Variants in EXOC2 observed in about 807,000 individuals in gnomAD.
EXOC2 encodes the protein SEC5-like 1.
In EXOC2, 70 loss-of-function variants were observed where a neutral mutation model predicts 131.8. The ratio of observed to expected loss-of-function variants is 0.53; its 90% CI spans 0.44 to 0.65. The LOEUF (loss-of-function observed/expected upper bound fraction) is 0.65, where lower values mean the gene tolerates loss of function less well. Among genes scored for constraint, EXOC2 ranks in the 30% least tolerant of loss-of-function variants. The probability of loss-of-function intolerance (pLI) is 0.00; values close to 1 mark genes in which losing one functional copy is unlikely to be tolerated. For synonymous variants in EXOC2, 411 were observed against 398.4 expected, an observed-to-expected ratio of 1.03 and a Z score of -0.38; for missense variants, 923 against 1,108.6, an observed-to-expected ratio of 0.83 and a Z score of 2.38.
At chr6:631,165 T>C (rs1761827741) in intron 3 of EXOC2, among the ~76,000 whole-genome samples, 1 of 152,168 alleles carries the variant, frequency 6.6e-6, no homozygotes, top group South Asian at 2.1e-4. Flanking sequence ...ATGAACCCAC[T>C]CATTCTCTCA....
intron 6 of EXOC2, among the ~76,000 whole-genome samples, chr6:616,729 C>CTTAT (rs553743664): frequency 0.017 from 2,477 of 149,256 alleles, 68 homozygotes; most frequent in African/African-American, 0.055. Flanking sequence ...AAGAGGGGGG[C>CTTAT]TTATTTATTT....
intron 2 of EXOC2, among the ~76,000 whole-genome samples, chr6:635,978 G>C (rs1232040762): frequency 6.6e-6 from 1 of 152,254 alleles, no homozygotes; most frequent in African/African-American, 2.4e-5. Context: ...CAGGAGAATC[G>C]CTTGAACCCA....
intron 23 of EXOC2, among the ~76,000 whole-genome samples, chr6:526,150 C>T (rs1765721849): frequency 6.6e-6 from 1 of 152,190 alleles, no homozygotes; most frequent in African/African-American, 2.4e-5. Context: ...CACACACGCA[C>T]ACACACGTAT....
Position 535,386 on chromosome 6 carries a change from A to T in EXOC2, c.2239-2776T>A, listed in dbSNP as rs569717021. Among the ~76,000 whole-genome samples, 32 of 152,268 alleles carry T rather than the reference A, an allele frequency of 2.1e-4. No individual in the cohort carries two copies. In the East Asian group the frequency reaches 2.7e-3, roughly 13 times the overall value. ...TCTCTTAAAAAATTTGAAATTTTTT[A>T]AAAATTAAAAAGGAATAACAACAGA... On this transcript the variant is annotated intron_variant, in intron 22 of 27. Coordinates refer to ENST00000230449, the MANE Select transcript of EXOC2 (RefSeq NM_018303.6).
chr6:565,653 AAT>A (rs1228231807), intron 13 of EXOC2, among the ~76,000 whole-genome samples: 1 of 152,232 alleles, frequency 6.6e-6, no homozygotes, highest in East Asian at 1.9e-4. Context: ...TACAATGTAA[AAT>A]AAAATTCTGA....
chr6:690,227 G>A (rs1205800924), intron 1 of EXOC2, among the ~76,000 whole-genome samples: 3 of 152,104 alleles, frequency 2.0e-5, no homozygotes, highest in East Asian at 1.9e-4. Flanking sequence ...CCGGTGGCAC[G>A]CACCTATAGT....
chr6:651,929 G>A (rs1330719695), intron 1 of EXOC2, among the ~76,000 whole-genome samples: 3 of 151,146 alleles, frequency 2.0e-5, no homozygotes, highest in Admixed American at 6.6e-5. Context: ...GGTGGTGCGC[G>A]CCTGTAATCC....
intron 1 of EXOC2, chr6:656,293 G>A: frequency 6.2e-7 from 1 of 1,614,162 alleles, no homozygotes; most frequent in Non-Finnish European, 8.5e-7. Context: ...CTGTTTTCAG[G>A]CACACCCACA....
chr6:529,443 C>T (rs1390149581), intron 23 of EXOC2, among the ~76,000 whole-genome samples: 1 of 152,160 alleles, frequency 6.6e-6, no homozygotes, highest in African/African-American at 2.4e-5. Context: ...CAAATAAATC[C>T]TCTTTCTCGG....
rs976918409 is a variant in EXOC2, at chr6:556,473, G to A, written c.1932+11C>T. 1.2e-6 allele frequency: 2 copies of A among 1,613,414 alleles called. No individual in the cohort carries two copies. The highest frequency in any genetic ancestry group is 1.7e-6 in the Non-Finnish European group (2 of 1,179,716). On this transcript the variant is annotated intron_variant, in intron 18 of 27. Coordinates refer to ENST00000230449, the MANE Select transcript of EXOC2 (RefSeq NM_018303.6). The stretch of plus-strand genomic sequence containing the variant: ...GGGAAACTGGAGTCCAAGCGGAGCT[G>A]GAATACTTACACTGGCCTCTCCCGG...
chr6:577,767 C>G (rs561038288), intron 11 of EXOC2, among the ~76,000 whole-genome samples: 3 of 152,284 alleles, frequency 2.0e-5, no homozygotes, highest in Admixed American at 6.5e-5. Flanking sequence ...CAAAAATACA[C>G]CTTACATTTT....
At chr6:658,643 T>TA (rs1763252520) in intron 1 of EXOC2, among the ~76,000 whole-genome samples, 2 of 95,562 alleles carry the variant, frequency 2.1e-5, no homozygotes, top group South Asian at 4.3e-4. Flanking sequence ...TATATATATA[T>TA]TTTATATATA....
chr6:637,488 T>C (rs995411214), intron 2 of EXOC2, among the ~76,000 whole-genome samples: 4 of 152,218 alleles, frequency 2.6e-5, no homozygotes, highest in Admixed American at 6.5e-5. Flanking sequence ...TCTGAAGGAT[T>C]TGAAAGACAA....
At chr6:676,731 G>C (rs1394815539) in intron 1 of EXOC2, among the ~76,000 whole-genome samples, 1 of 87,304 alleles carries the variant, frequency 1.1e-5, no homozygotes. Context: ...TTCCTCTGGA[G>C]ACTGTGGTTT....
intron 1 of EXOC2, among the ~76,000 whole-genome samples, chr6:690,872 C>T (rs562767475): frequency 3.0e-4 from 46 of 152,298 alleles, no homozygotes; most frequent in Non-Finnish European, 6.0e-4. Context: ...AGAACATATT[C>T]CCCAGGATCT....
intron 1 of EXOC2, among the ~76,000 whole-genome samples, chr6:680,000 C>T (rs537758523): frequency 6.6e-6 from 1 of 151,222 alleles, no homozygotes; most frequent in South Asian, 2.1e-4. Context: ...CAGACCCTTG[C>T]TCTATGCTAT....
rs753672786 is a variant in EXOC2 at position 553,812 on chromosome 6, C to T, written c.2121+42G>A. The T allele has an allele frequency of 1.2e-5, 19 of 1,540,488 alleles. No individual in the cohort carries two copies. In the Admixed American group the frequency reaches 2.4e-4, roughly 19 times the overall value. Reference sequence around the variant, plus strand: ...TTAGATTTGCGAAATTGTTGTTACACAGTTTTAAAATGGTTTACTTTCTAG... The same window carrying T: ...TTAGATTTGCGAAATTGTTGTTACATAGTTTTAAAATGGTTTACTTTCTAG... On this transcript the variant is annotated intron_variant, in intron 21 of 27. Transcript: ENST00000230449.
intron 21 of EXOC2, among the ~76,000 whole-genome samples, chr6:550,180 T>C (rs1363453646): frequency 6.6e-6 from 1 of 152,240 alleles, no homozygotes. Context: ...ATCCTTTGAC[T>C]AAACCTTTGG....
rs538876838 is a variant in EXOC2 at position 598,720 on chromosome 6, T to C, written c.970+140A>G. ...ATAAGAAAAGTCATACTGTTATTTC[T>C]GAAGTAATTGCTTTACATTGTAAAG... On this transcript the variant is annotated intron_variant, in intron 9 of 27. Transcript: ENST00000230449. 684 of 628,030 alleles carry C rather than the reference T, an allele frequency of 1.1e-3. 1 individual carries two copies. Among genetic ancestry groups the C allele is most frequent in the Non-Finnish European group, 1.7e-3 (608 of 368,362 alleles). The allele number at this position is 628,030 out of a possible 1,614,324, so 38.9% of individuals were successfully genotyped here.
Sources: allele counts gnomAD v4.1 joint callset (sites outside exome capture counted in the v4.1 genomes callset), GRCh38; gene constraint gnomAD v4.1.1; transcripts MANE v1.5; gene names NCBI Gene and HGNC (gene_info 2026-07-23, HGNC 2026-07-21).